The following PTDSS2 variants were observed in gnomAD, a reference collection of about 807,000 sequenced individuals.
PTDSS2 encodes the protein PSS-2.
Under a neutral mutation model 64.7 loss-of-function variants are expected in PTDSS2, and 41 were observed. That is an observed-to-expected ratio of 0.63 (90% CI 0.49 to 0.82). The LOEUF is 0.82. Ranked by LOEUF, PTDSS2 falls within the 40% of genes least tolerant of loss-of-function variation. The pLI is 0.00. For synonymous variants in PTDSS2, 297 were observed against 277.8 expected (o/e 1.07, Z -0.69); for missense variants, 485 against 650.0 (o/e 0.75, Z 2.76).
chr11:482,924 G>A (rs1304767854), intron 4 of PTDSS2, among the ~76,000 whole-genome samples: 4 of 134,488 alleles, frequency 3.0e-5, no homozygotes, highest in African/African-American at 6.1e-5. Context: ...TCTCCCTACC[G>A]AGTGGAGAAG....
At chr11:486,028 G>A (rs1370586703) in intron 4 of PTDSS2, among the ~76,000 whole-genome samples, 1 of 151,764 alleles carries the variant, frequency 6.6e-6, no homozygotes, top group Non-Finnish European at 1.5e-5. Context: ...CTCACCGTGT[G>A]CGCAGGCGAG....
Position 489,416 on chromosome 11 carries a change from A to G in PTDSS2, c.871A>G (p.Ile291Val). ...IPTYKGKMKR[I>V]AFQFTPYSWV... ...GGTTCCCAGGGGCAAGATGAAGAGG[A>G]TCGCCTTCCAGTTCACGCCGTACAG... is the stretch of plus-strand genomic sequence containing the variant. Residue 291 changes from isoleucine to valine, a missense_variant, in exon 9 of 12, where the codon ATC (isoleucine) becomes GTC (valine). Ile to Val is a conservative substitution (Grantham distance 29, BLOSUM62 3). This residue lies in a region of PTDSS2 where 15 missense variants were observed against 44.7 expected (regional missense o/e 0.34). Transcript: ENST00000308020. 1.9e-6 allele frequency: 3 copies of G among 1,613,176 alleles called. No individual in the cohort carries two copies. Among genetic ancestry groups the G allele is most frequent in the Non-Finnish European group, 2.5e-6 (3 of 1,179,792 alleles).
At chr11:482,790 T>C (rs1205306112) in intron 4 of PTDSS2, among the ~76,000 whole-genome samples, 1 of 151,080 alleles carries the variant, frequency 6.6e-6, no homozygotes, top group Non-Finnish European at 1.5e-5. Flanking sequence ...TTCGTAGATC[T>C]CCCTACCGAG....
At chr11:489,855 G>A (rs1216116047) in intron 10 of PTDSS2, 28 bp from the exon 11 acceptor site, 1 of 1,556,640 alleles carries the variant, frequency 6.4e-7, no homozygotes, top group Non-Finnish European at 8.7e-7. Context: ...CGGGGCCCGG[G>A]ACGCTGAACC....
In PTDSS2 at chr11:485,632, T is replaced by C. The variant is rs868557507; in HGVS notation, c.436-1307T>C. On this transcript the variant is annotated intron_variant, in intron 4 of 11. Coordinates refer to ENST00000308020, the MANE Select transcript of PTDSS2 (RefSeq NM_030783.3). ...TCACTGCGCAGGCGAGTGTAAACAG[T>C]GCACGGGCGCGTGTGTGCTCACTGT... 1.1e-3 allele frequency among the ~76,000 whole-genome samples: 124 copies of C among 117,628 alleles called. 1 individual carries two copies. Among genetic ancestry groups the C allele is most frequent in the African/African-American group, 4.3e-3 (109 of 25,134 alleles). 77.2% of individuals were successfully genotyped at this position (117,628 alleles called of 152,430 possible).
chr11:451,343 T>C (rs1014249802), intron 1 of PTDSS2: 1 of 440,134 alleles, frequency 2.3e-6, no homozygotes, highest in Non-Finnish European at 4.7e-6. Context: ...TGTGGCACTC[T>C]GTGTCCAGAC....
At chr11:463,214 AATTTTATTTTTTATTT>A (rs1313171802) in intron 2 of PTDSS2, 9 of 151,752 alleles carry the variant, frequency 5.9e-5, no homozygotes, top group African/African-American at 1.9e-4. Flanking sequence ...AATTAGGCTT[AATTTTATTTTTTATTT>A]ATTTTATTTT....
intron 1 of PTDSS2, chr11:451,371 C>T (rs1254747021): frequency 2.2e-6 from 1 of 446,598 alleles, no homozygotes. Flanking sequence ...AGGTGCCGCT[C>T]CTACTCCCGA....
At position 477,412 on chromosome 11, in the gene PTDSS2, G is replaced by T. The variant is rs528593619; in HGVS notation, c.368-1673G>T. 2.1e-4 allele frequency among the ~76,000 whole-genome samples: 32 copies of T among 152,294 alleles called. No homozygotes were observed. In the East Asian group the frequency reaches 5.4e-3, roughly 26 times the overall value. On this transcript the variant is annotated intron_variant, in intron 3 of 11. Transcript: ENST00000308020. The stretch of plus-strand genomic sequence containing the variant: ...AAGACAAATGAGTGCTGGGGCCTGG[G>T]GGGTGGCCCTGGGGTCAGGGAGGTG...
intron 2 of PTDSS2, among the ~76,000 whole-genome samples, chr11:473,108 G>T (rs539341185): frequency 6.6e-6 from 1 of 152,268 alleles, no homozygotes; most frequent in African/African-American, 2.4e-5. Context: ...CTGCACATCC[G>T]CCGGCCTAAG....
intron 4 of PTDSS2, among the ~76,000 whole-genome samples, chr11:484,527 G>A (rs56356502): frequency 0.19 from 28,344 of 152,028 alleles, 2,655 homozygotes; most frequent in Middle Eastern, 0.26. Context: ...TGCTGTGTGC[G>A]CAGGAGAGTG....
chr11:473,706 G>A (rs979307337), intron 2 of PTDSS2, among the ~76,000 whole-genome samples, 189 bp from the exon 3 acceptor site: 4 of 151,448 alleles, frequency 2.6e-5, no homozygotes, highest in Non-Finnish European at 4.4e-5. Flanking sequence ...GCGAATGTCC[G>A]GCCCAGGGTG....
In PTDSS2 at chr11:460,469, C is replaced by T. The variant is rs936565361; in HGVS notation, c.284+181C>T. On this transcript the variant is annotated intron_variant, in intron 2 of 11. Coordinates refer to ENST00000308020, the MANE Select transcript of PTDSS2 (RefSeq NM_030783.3). This position sits in a 1 kb window ranked among gnomAD's most constrained non-coding sequence, Gnocchi z 5.8. ...GACTCCAGGGCTGCCCTTGGTGCTG[C>T]GTGGCGTTCCCGGTCAGCCCCCGTC... 38 of 575,192 alleles carry T rather than the reference C, an allele frequency of 6.6e-5. No homozygotes were observed. Among genetic ancestry groups the T allele is most frequent in the East Asian group, 2.3e-4 (8 of 34,720 alleles). The allele number at this position is 575,192 out of a possible 1,614,324, so 35.6% of individuals were successfully genotyped here.
intron 1 of PTDSS2, among the ~76,000 whole-genome samples, chr11:452,754 A>G (rs751647555): frequency 1.3e-5 from 2 of 151,956 alleles, no homozygotes; most frequent in Non-Finnish European, 2.9e-5. Context: ...AGGTAACTCA[A>G]TGCCTGCCTG....
At chr11:484,879 T>C (rs1294935757) in intron 4 of PTDSS2, among the ~76,000 whole-genome samples, 3 of 113,384 alleles carry the variant, frequency 2.6e-5, no homozygotes, top group African/African-American at 1.0e-4. Context: ...TGCGCAGGCG[T>C]CTGTAAACAG....
intron 4 of PTDSS2, among the ~76,000 whole-genome samples, chr11:484,748 C>T (rs1848226217): frequency 6.9e-6 from 1 of 144,692 alleles, no homozygotes; most frequent in African/African-American, 2.6e-5. Context: ...ACCGTGTGCG[C>T]AGGCGAGTGT....
rs147780440 is a variant in PTDSS2, at chr11:487,619, C to T, written c.621+149C>T. 135 of 742,812 alleles carry T rather than the reference C, an allele frequency of 1.8e-4. No individual in the cohort carries two copies. In the Middle Eastern group the frequency reaches 4.5e-3, roughly 25 times the overall value. 46.0% of individuals were successfully genotyped at this position (742,812 alleles called of 1,614,324 possible). ...GCAGCCACCCAGAGGTTCGAGAAGCCGTGGGGCTCCCGGACCTCCCAGAAG... is the reference window on the plus strand; with the variant it reads ...GCAGCCACCCAGAGGTTCGAGAAGCTGTGGGGCTCCCGGACCTCCCAGAAG... On this transcript the variant is annotated intron_variant, in intron 6 of 11. Coordinates refer to ENST00000308020, the MANE Select transcript of PTDSS2 (RefSeq NM_030783.3).
intron 1 of PTDSS2, chr11:458,668 G>A (rs1846716877): frequency 6.6e-6 from 1 of 152,030 alleles, no homozygotes; most frequent in Non-Finnish European, 1.5e-5. Context: ...ACCACGCCTG[G>A]CTAATTTTTT....
upstream of PTDSS2, among the ~76,000 whole-genome samples, chr11:449,607 T>G (rs1418037080): frequency 6.6e-6 from 1 of 152,184 alleles, no homozygotes; most frequent in Non-Finnish European, 1.5e-5. Flanking sequence ...AAAATCAGCG[T>G]GTCCGCACCA....
Sources: allele counts gnomAD v4.1 joint callset (sites outside exome capture counted in the v4.1 genomes callset), GRCh38; gene constraint gnomAD v4.1.1; regional missense constraint gnomAD v4.1.1; non-coding constraint Gnocchi (gnomAD v3.1); transcripts MANE v1.5; gene names NCBI Gene and HGNC (gene_info 2026-07-23, HGNC 2026-07-21).